The following DAPK2 variants were observed in gnomAD, a reference collection of about 807,000 sequenced individuals.
DAPK2 encodes death-associated protein kinase 2.
A neutral mutation model predicts 44.1 loss-of-function variants in DAPK2; 35 were observed. That is an observed-to-expected ratio of 0.79 (90% CI 0.61 to 1.05). The LOEUF (loss-of-function observed/expected upper bound fraction) is 1.05. Among genes scored for constraint, DAPK2 ranks in the 50% least tolerant of loss-of-function variants. DAPK2 has a pLI of 0.00. For missense variants in DAPK2, 453 were observed against 483.2 expected, an observed-to-expected ratio of 0.94 and a Z score of 0.59; for synonymous variants, 174 against 182.6, an observed-to-expected ratio of 0.95 and a Z score of 0.38.
chr15:63,992,952 C>T (rs1296538450), intron 1 of DAPK2, among the ~76,000 whole-genome samples: 3 of 152,194 alleles, frequency 2.0e-5, no homozygotes, highest in South Asian at 2.1e-4. Flanking sequence ...TGTGCTGCCA[C>T]GCAGGAAAAA....
intron 1 of DAPK2, among the ~76,000 whole-genome samples, chr15:64,034,880 A>G (rs1270620509): frequency 1.3e-5 from 2 of 152,174 alleles, no homozygotes; most frequent in East Asian, 3.8e-4. Flanking sequence ...TAAGTAAAGA[A>G]AATCTGGTCA....
chr15:63,920,593 A>T (rs1300788897), intron 8 of DAPK2: 1 of 152,210 alleles, frequency 6.6e-6, no homozygotes, highest in Non-Finnish European at 1.5e-5. Flanking sequence ...ATGATCCTTC[A>T]TGCATATAGA....
rs528246531 is a variant in DAPK2 at position 64,011,656 on chromosome 15, T to A, written c.93-27902A>T. 2.0e-5 allele frequency among the ~76,000 whole-genome samples: 3 copies of A among 152,366 alleles called. No homozygotes were observed. In the East Asian group the frequency reaches 5.8e-4, roughly 29 times the overall value. On this transcript the variant is annotated intron_variant, in intron 1 of 10. Coordinates refer to ENST00000261891, the Ensembl canonical transcript of DAPK2. The stretch of plus-strand genomic sequence containing the variant: ...GTAGCTGCTAGCCACGTGTGGCTAC[T>A]GAACACTCGAAATGTGGATAGTACA...
At chr15:64,008,186 G>A (rs1459118501) in intron 1 of DAPK2, among the ~76,000 whole-genome samples, 1 of 143,968 alleles carries the variant, frequency 6.9e-6, no homozygotes, top group Admixed American at 7.0e-5. Flanking sequence ...CACTATAAAT[G>A]GGTGAATTGT....
At chr15:63,920,449 G>T (rs955092447) in intron 8 of DAPK2, 1 of 152,116 alleles carries the variant, frequency 6.6e-6, no homozygotes, top group African/African-American at 2.4e-5. Context: ...GGGGTAGAGA[G>T]AGTTTCCTAT....
exon 2 of DAPK2, chr15:63,983,716 C>G: frequency 6.2e-7 from 1 of 1,613,122 alleles, no homozygotes; most frequent in South Asian, 1.1e-5. Flanking sequence ...AAGCCCCGTG[C>G]TCTTCTCCCG....
intron 2 of DAPK2, among the ~76,000 whole-genome samples, chr15:63,972,178 GTTGT>G (rs1396602888): frequency 3.9e-5 from 6 of 152,216 alleles, no homozygotes; most frequent in Non-Finnish European, 5.9e-5. Context: ...ATAAATTTAT[GTTGT>G]TTGTCAGCCA....
chr15:64,040,671 G>A (rs2080328935), upstream of DAPK2, among the ~76,000 whole-genome samples: 1 of 152,088 alleles, frequency 6.6e-6, no homozygotes, highest in Non-Finnish European at 1.5e-5. Context: ...AGCACTTTGG[G>A]AGGCCGAGGT....
Position 63,924,886 on chromosome 15 carries a change from G to A in DAPK2, c.813-25C>T, listed in dbSNP as rs186780081. ...CCTGCAATGAGGATTGGGAAACAGT[G>A]ATGATCCATGAGGACAGAAGTTGGG... On this transcript the variant is annotated intron_variant, in intron 7 of 10. Coordinates refer to ENST00000261891, the Ensembl canonical transcript of DAPK2. 6.8e-6 allele frequency: 11 copies of A among 1,613,450 alleles called. No homozygotes were observed. In the Admixed American group the frequency reaches 1.7e-4, roughly 24 times the overall value.
chr15:63,915,366 C>G (rs1004650775), intron 8 of DAPK2, among the ~76,000 whole-genome samples: 3 of 152,206 alleles, frequency 2.0e-5, no homozygotes, highest in African/African-American at 7.2e-5. Context: ...ATTTCTAAGT[C>G]TAACTTCACT....
intron 1 of DAPK2, among the ~76,000 whole-genome samples, chr15:64,001,893 A>C (rs1017445443): frequency 1.3e-5 from 2 of 152,246 alleles, no homozygotes; most frequent in African/African-American, 4.8e-5. Context: ...TATTCATGCC[A>C]CATTTCCTTT....
intron 3 of DAPK2, among the ~76,000 whole-genome samples, chr15:63,963,767 T>C (rs2077977937): frequency 6.6e-6 from 1 of 152,218 alleles, no homozygotes; most frequent in African/African-American, 2.4e-5. Context: ...CACTGTCATA[T>C]AATTCATTAT....
chr15:63,924,555 AAG>A lies in DAPK2; in HGVS notation c.858+259_858+260del, dbSNP rs532421592. ...ACTGTGTAAGTTGGCCCCAAAGAAA[AAG>A]GGTTTCAACTGTGGTTTGTGAGGGT... On this transcript the variant is annotated intron_variant, in intron 8 of 10. Transcript: ENST00000261891. 1,744 of 449,488 alleles carry A rather than the reference AAG, an allele frequency of 3.9e-3. 9 individuals carry two copies. The highest frequency in any genetic ancestry group is 5.2e-3 in the Non-Finnish European group (1,314 of 251,690). The allele number at this position is 449,488 out of a possible 1,614,324, so 27.8% of individuals were successfully genotyped here.
chr15:63,945,523 G>A (rs1020841204), intron 3 of DAPK2, among the ~76,000 whole-genome samples: 2 of 152,172 alleles, frequency 1.3e-5, no homozygotes, highest in Admixed American at 6.5e-5. Flanking sequence ...GGCACTAAGG[G>A]AGGGTCCAAA....
At chr15:64,036,354 T>TATATGTATATA (rs1595923606) in intron 1 of DAPK2, among the ~76,000 whole-genome samples, 1 of 138,890 alleles carries the variant, frequency 7.2e-6, no homozygotes, top group Admixed American at 7.7e-5. Flanking sequence ...TATATATATA[T>TATATGTATATA]TTTAGTTAAG....
chr15:63,934,108 T>G (rs2077060194), intron 4 of DAPK2, among the ~76,000 whole-genome samples: 1 of 152,134 alleles, frequency 6.6e-6, no homozygotes, highest in African/African-American at 2.4e-5. Flanking sequence ...AACAGCTATC[T>G]TTGAGACATA....
At chr15:63,926,898 A>G (rs1052851142) in intron 6 of DAPK2, among the ~76,000 whole-genome samples, 1 of 152,182 alleles carries the variant, frequency 6.6e-6, no homozygotes, top group African/African-American at 2.4e-5. Flanking sequence ...ACTGGCCAAA[A>G]GCTTCCTTGT....
rs536601466 is a variant in DAPK2, at chr15:64,003,847, T to C, written c.93-20093A>G. On this transcript the variant is annotated intron_variant, in intron 1 of 10. Transcript: ENST00000261891. Reference sequence around the variant, plus strand: ...TCTCAAACTCCTGACCTCAAGTGTCTGCCTGCCTCAGCCTCCCAAAGTGCT... The same window carrying C: ...TCTCAAACTCCTGACCTCAAGTGTCCGCCTGCCTCAGCCTCCCAAAGTGCT... 2.6e-4 allele frequency among the ~76,000 whole-genome samples: 40 copies of C among 152,306 alleles called. 2 individuals carry two copies. Among genetic ancestry groups the C allele is most frequent in the East Asian group, 2.1e-3 (11 of 5,182 alleles).
At chr15:63,925,389 G>T (rs2079213201) in intron 7 of DAPK2, among the ~76,000 whole-genome samples, 1 of 152,010 alleles carries the variant, frequency 6.6e-6, no homozygotes, top group African/African-American at 2.4e-5. Flanking sequence ...CTTTCTTCCT[G>T]CCCCATCCAG....
Sources: gnomAD v4.1 joint callset for allele counts (sites outside exome capture counted in the v4.1 genomes callset) on GRCh38, gnomAD v4.1.1 for gene constraint, MANE v1.5 for transcripts, NCBI Gene and HGNC (gene_info 2026-07-23, HGNC 2026-07-21) for gene names.